The following VPS13B variants were observed in gnomAD, a reference collection of about 807,000 sequenced individuals.
The protein encoded by VPS13B is vacuolar protein sorting 13 homolog B, also known as intermembrane lipid transfer protein VPS13B.
In VPS13B, 285 loss-of-function variants were observed where a neutral mutation model predicts 426.4. That is an observed-to-expected ratio of 0.67 (90% CI 0.61 to 0.74). The LOEUF (loss-of-function observed/expected upper bound fraction) is 0.74, where lower values mean the gene tolerates loss of function less well. VPS13B is among the 30% of genes least tolerant of loss of function. VPS13B has a pLI of 0.00. For missense variants in VPS13B, 4,537 were observed against 4,782.6 expected (o/e 0.95, Z 1.51); for synonymous variants, 1,676 against 1,676.4 (o/e 1.00, Z 0.01).
chr8:99,449,730 A>G (rs1406782227), intron 23 of VPS13B, among the ~76,000 whole-genome samples: 1 of 152,220 alleles, frequency 6.6e-6, no homozygotes, highest in East Asian at 1.9e-4. Flanking sequence ...AAATGTAGCC[A>G]ATAAGATAAG....
At chr8:99,274,438 G>C in intron 18 of VPS13B, 106 bp downstream of exon 18, 1 of 1,542,180 alleles carries the variant, frequency 6.5e-7, no homozygotes, top group Non-Finnish European at 8.9e-7. Context: ...CTGTTGCTAT[G>C]AATCAGACGT....
intron 39 of VPS13B, among the ~76,000 whole-genome samples, chr8:99,754,940 G>T (rs1322125287): frequency 6.6e-6 from 1 of 152,066 alleles, no homozygotes; most frequent in African/African-American, 2.4e-5. Flanking sequence ...AAAATAATTA[G>T]AGGCAATTGA....
intron 2 of VPS13B, among the ~76,000 whole-genome samples, chr8:99,032,855 G>T (rs756843715): frequency 4.0e-5 from 6 of 151,886 alleles, no homozygotes; most frequent in Non-Finnish European, 7.4e-5. Context: ...TATTTTCTTT[G>T]TGATTGCTTG....
At chr8:99,875,012 G>A (rs1395288488) in intron 61 of VPS13B, 1 of 261,386 alleles carries the variant, frequency 3.8e-6, no homozygotes, top group Non-Finnish European at 7.4e-6. Flanking sequence ...GGCAAACAGA[G>A]CTTTTATTTC....
intron 24 of VPS13B, among the ~76,000 whole-genome samples, chr8:99,475,669 C>G (rs895301784): frequency 1.3e-5 from 2 of 152,142 alleles, no homozygotes; most frequent in Non-Finnish European, 2.9e-5. Flanking sequence ...TAAATGTAAA[C>G]CAGCTCTAAG....
Position 99,360,262 on chromosome 8 carries a change from C to G in VPS13B, c.2825-23946C>G, listed in dbSNP as rs1388153222. ...TCTCTCCTTCCTTCCTTCCTTCCTT[C>G]CTTCCTTCCTTCCTTCCTTCTTTCT... On this transcript the variant is annotated intron_variant, in intron 19 of 61. Transcript: ENST00000357162. Among the ~76,000 whole-genome samples the G allele has an allele frequency of 2.2e-5, 3 of 137,632 alleles. No homozygotes were observed. The South Asian group carries it at 7.2e-4, about 33-fold the overall frequency. 90.3% of individuals were successfully genotyped at this position (137,632 alleles called of 152,430 possible). A position where few individuals can be genotyped will look rare whatever the true frequency, so the allele number is the denominator to read the frequency against.
chr8:99,541,133 T>A (rs1408471161), intron 30 of VPS13B, among the ~76,000 whole-genome samples: 1 of 152,158 alleles, frequency 6.6e-6, no homozygotes, highest in Non-Finnish European at 1.5e-5. Flanking sequence ...GTATTACTTA[T>A]CTGTTTTTAA....
At chr8:99,063,060 A>G (rs547607206) in intron 3 of VPS13B, among the ~76,000 whole-genome samples, 1 of 152,324 alleles carries the variant, frequency 6.6e-6, no homozygotes, top group South Asian at 2.1e-4. Context: ...AGTGAAATGA[A>G]TTATTGTAAT....
intron 17 of VPS13B, among the ~76,000 whole-genome samples, chr8:99,243,632 C>T (rs756844239): frequency 1.3e-5 from 2 of 152,118 alleles, no homozygotes; most frequent in African/African-American, 2.4e-5. Flanking sequence ...AAGGACCAAA[C>T]CTCAAATTTT....
At chr8:99,617,728 G>A (rs1300228297) in intron 33 of VPS13B, among the ~76,000 whole-genome samples, 1 of 152,188 alleles carries the variant, frequency 6.6e-6, no homozygotes, top group Non-Finnish European at 1.5e-5. Flanking sequence ...AACAATATAA[G>A]CCTATACTTA....
Position 99,686,531 on chromosome 8 carries a change from A to C in VPS13B, c.6047-12994A>C, listed in dbSNP as rs549204939. Among the ~76,000 whole-genome samples, 14 of 152,038 alleles carry C rather than the reference A, an allele frequency of 9.2e-5. No homozygotes were observed. In the East Asian group the frequency reaches 2.5e-3, roughly 27 times the overall value. On this transcript the variant is annotated intron_variant, in intron 35 of 61. Coordinates refer to ENST00000357162, the MANE Select transcript of VPS13B (RefSeq NM_152564.5). ...ACCTTAGGAATCTACTTGGTGCTCC[A>C]TTCTACTGAGAATGAGCTGGCACCC...
intron 5 of VPS13B, among the ~76,000 whole-genome samples, chr8:99,106,978 T>C (rs2132468634): frequency 6.6e-6 from 1 of 152,336 alleles, no homozygotes; most frequent in South Asian, 2.1e-4. Context: ...AATAATGCTA[T>C]AGCGAACATT....
At chr8:99,651,713 T>G (rs536790073) in intron 34 of VPS13B, among the ~76,000 whole-genome samples, 1 of 152,216 alleles carries the variant, frequency 6.6e-6, no homozygotes, top group Admixed American at 6.5e-5. Flanking sequence ...GAGTCCAGAT[T>G]TGAAATTGCC....
chr8:99,510,619 C>T (rs1270237810), intron 28 of VPS13B, among the ~76,000 whole-genome samples: 1 of 152,152 alleles, frequency 6.6e-6, no homozygotes. Context: ...TCTTGTGCCT[C>T]AGCCTCCCAA....
At chr8:99,397,127 G>A (rs1814767731) in intron 21 of VPS13B, among the ~76,000 whole-genome samples, 1 of 152,030 alleles carries the variant, frequency 6.6e-6, no homozygotes. Flanking sequence ...TGGTTATTGA[G>A]TAGAATATTT....
At chr8:99,582,716 C>T (rs1386408731) in intron 33 of VPS13B, among the ~76,000 whole-genome samples, 5 of 152,030 alleles carry the variant, frequency 3.3e-5, no homozygotes, top group South Asian at 4.2e-4. Context: ...AGTGCAGTGG[C>T]GCAATCTCGG....
At chr8:99,529,236 A>T (rs1031398599) in intron 30 of VPS13B, among the ~76,000 whole-genome samples, 3 of 152,082 alleles carry the variant, frequency 2.0e-5, no homozygotes, top group Non-Finnish European at 4.4e-5. Flanking sequence ...GTTAGATCAA[A>T]ACTCACAGAC....
rs935426581 is a variant in VPS13B, at chr8:99,170,025, T to C, written c.2209-14T>C. The C allele has an allele frequency of 1.2e-6, 2 of 1,612,074 alleles. No individual in the cohort carries two copies. The highest frequency in any genetic ancestry group is 1.7e-6 in the Non-Finnish European group (2 of 1,178,394). Reference sequence around the variant, plus strand: ...TGTCTGTGTGAACACTTGCATCTTTTCTTTTTGTTTTAGATATTTGGTTTC... The same window carrying C: ...TGTCTGTGTGAACACTTGCATCTTTCCTTTTTGTTTTAGATATTTGGTTTC... On this transcript the variant is annotated splice_polypyrimidine_tract_variant and intron_variant, in intron 15 of 61. Transcript: ENST00000357162.
intron 21 of VPS13B, among the ~76,000 whole-genome samples, chr8:99,420,755 C>T (rs1266668901): frequency 6.6e-6 from 1 of 152,112 alleles, no homozygotes; most frequent in African/African-American, 2.4e-5. Context: ...TTACGTTATA[C>T]AGAATTAAGT....
Sources: allele counts gnomAD v4.1 joint callset (sites outside exome capture counted in the v4.1 genomes callset), GRCh38; gene constraint gnomAD v4.1.1; transcripts MANE v1.5; gene names NCBI Gene and HGNC (gene_info 2026-07-23, HGNC 2026-07-21).